The following CHN2 variants were observed in gnomAD, a reference collection of about 807,000 sequenced individuals.
CHN2 encodes beta-chimaerin.
Under a neutral mutation model 56.3 loss-of-function variants are expected in CHN2, and 35 were observed. The observed-to-expected ratio is 0.62, with a 90% CI of 0.47 to 0.82. CHN2 has a LOEUF of 0.82. CHN2 is among the 40% of genes least tolerant of loss of function. CHN2 has a pLI of 0.00. For synonymous variants in CHN2, 210 were observed against 212.8 expected (o/e 0.99, Z 0.12); for missense variants, 491 against 580.5 (o/e 0.85, Z 1.58).
chr7:29,194,640 G>A, upstream of CHN2: 1 of 310,148 alleles, frequency 3.2e-6, no homozygotes, highest in Non-Finnish European at 5.8e-6. Flanking sequence ...GGCGGGAGCC[G>A]AGATCCGCCC....
At chr7:29,442,951 T>TTTTTTTTTTTTTTTTG in intron 6 of CHN2, among the ~76,000 whole-genome samples, 1 of 138,744 alleles carries the variant, frequency 7.2e-6, no homozygotes, top group Non-Finnish European at 1.5e-5. Flanking sequence ...TTTTTTTTTT[T>TTTTTTTTTTTTTTTTG]GAGACGGAGT....
intron 4 of CHN2, among the ~76,000 whole-genome samples, chr7:29,396,314 G>A (rs771523725): frequency 6.6e-6 from 1 of 151,694 alleles, no homozygotes; most frequent in Non-Finnish European, 1.5e-5. Context: ...AAAATTTGCC[G>A]GGCATGGTGG....
chr7:29,473,470 G>GTTTGT (rs1554298945), intron 6 of CHN2, among the ~76,000 whole-genome samples: 2 of 93,512 alleles, frequency 2.1e-5, no homozygotes, highest in East Asian at 5.4e-4. Context: ...GTGTGTTTGT[G>GTTTGT]TTTTTTTTTT....
At chr7:29,151,794 A>G (rs1036439145) in intron 2 of CHN2, among the ~76,000 whole-genome samples, 6 of 152,150 alleles carry the variant, frequency 3.9e-5, no homozygotes, top group Non-Finnish European at 7.3e-5. Context: ...CTTCTCATGT[A>G]TGGGAAGAGA....
At chr7:29,389,871 T>C (rs1801219590) in intron 3 of CHN2, among the ~76,000 whole-genome samples, 1 of 151,504 alleles carries the variant, frequency 6.6e-6, no homozygotes, top group Non-Finnish European at 1.5e-5. Context: ...CTGGGCAACA[T>C]GGTGAAACCC....
chr7:29,506,031 G>A (rs906806523), intron 10 of CHN2, among the ~76,000 whole-genome samples: 2 of 152,094 alleles, frequency 1.3e-5, no homozygotes, highest in African/African-American at 4.8e-5. Context: ...TTATGCAAAA[G>A]ATATTAAGAA....
chr7:29,305,073 A>G (rs1008375998), intron 1 of CHN2, among the ~76,000 whole-genome samples: 6 of 152,250 alleles, frequency 3.9e-5, no homozygotes, highest in Admixed American at 6.5e-5. Flanking sequence ...AGGGACACTG[A>G]AGGGAGGGTG....
chr7:29,217,195 A>G (rs1312231846), intron 1 of CHN2, among the ~76,000 whole-genome samples: 3 of 152,226 alleles, frequency 2.0e-5, no homozygotes, highest in Non-Finnish European at 4.4e-5. Context: ...GTTTGTGCAT[A>G]TAATTATTTT....
intron 2 of CHN2, among the ~76,000 whole-genome samples, chr7:29,186,852 A>T (rs1178733762): frequency 3.3e-5 from 5 of 152,124 alleles, no homozygotes; most frequent in African/African-American, 1.2e-4. Flanking sequence ...AACCTTGATA[A>T]ATTACTTACC....
chr7:29,240,321 C>A (rs1787553776), intron 1 of CHN2, among the ~76,000 whole-genome samples: 1 of 152,194 alleles, frequency 6.6e-6, no homozygotes, highest in Non-Finnish European at 1.5e-5. Flanking sequence ...CCCTTCCCTC[C>A]AGTGTTGTAT....
At chr7:29,340,570 T>A (rs576776235) in intron 1 of CHN2, among the ~76,000 whole-genome samples, 2 of 152,282 alleles carry the variant, frequency 1.3e-5, no homozygotes, top group African/African-American at 4.8e-5. Context: ...GTCCTCCAGG[T>A]GCTGCAGAGC....
At chr7:29,429,075 G>A (rs1805156133) in intron 6 of CHN2, among the ~76,000 whole-genome samples, 1 of 152,260 alleles carries the variant, frequency 6.6e-6, no homozygotes, top group South Asian at 2.1e-4. Context: ...GAAATGGATG[G>A]GTCACCGCCT....
intron 3 of CHN2, among the ~76,000 whole-genome samples, chr7:29,384,007 C>T (rs1482731438): frequency 6.6e-6 from 1 of 152,086 alleles, no homozygotes; most frequent in Non-Finnish European, 1.5e-5. Context: ...GACTTCGTGG[C>T]AGATTGCAAG....
chr7:29,223,528 C>A (rs544538966), intron 1 of CHN2, among the ~76,000 whole-genome samples: 1 of 152,138 alleles, frequency 6.6e-6, no homozygotes, highest in Non-Finnish European at 1.5e-5. Context: ...TACTTATGTA[C>A]ACTTTCATAT....
At chr7:29,184,816 C>T (rs1798513288) in intron 2 of CHN2, among the ~76,000 whole-genome samples, 1 of 152,236 alleles carries the variant, frequency 6.6e-6, no homozygotes, top group Non-Finnish European at 1.5e-5. Context: ...TAAAATTAAG[C>T]ATCACACCTG....
At chr7:29,364,177 A>C (rs1309745025) in intron 2 of CHN2, among the ~76,000 whole-genome samples, 1 of 152,204 alleles carries the variant, frequency 6.6e-6, no homozygotes, top group Non-Finnish European at 1.5e-5. Context: ...GATTCAATAC[A>C]TGTTATTCCT....
chr7:29,480,417 A>G (rs1051910003), intron 7 of CHN2, 61 bp downstream of exon 7: 11 of 1,512,716 alleles, frequency 7.3e-6, no homozygotes, highest in African/African-American at 2.8e-5. Context: ...GGTACAGTGT[A>G]TAGTTTCCGT....
At chr7:29,404,643 A>G (rs930709462) in intron 6 of CHN2, among the ~76,000 whole-genome samples, 2 of 152,210 alleles carry the variant, frequency 1.3e-5, no homozygotes, top group African/African-American at 4.8e-5. Context: ...ATGGAAAAGT[A>G]CCTAGCAGTG....
chr7:29,302,500 C>T (rs531256973), intron 1 of CHN2, among the ~76,000 whole-genome samples: 27 of 117,744 alleles, frequency 2.3e-4, no homozygotes, highest in African/African-American at 2.4e-4. Flanking sequence ...AATTTTAATT[C>T]TTTTTTTTTT....
Sources: allele counts gnomAD v4.1 joint callset (sites outside exome capture counted in the v4.1 genomes callset), GRCh38; gene constraint gnomAD v4.1.1; transcripts MANE v1.5; gene names NCBI Gene and HGNC (gene_info 2026-07-23, HGNC 2026-07-21).